SCPEP1: variants seen among roughly 807,000 people sequenced by gnomAD.
SCPEP1 encodes serine carboxypeptidase 1, also known as retinoid-inducible serine carboxypeptidase.
A neutral mutation model predicts 63.8 loss-of-function variants in SCPEP1; 51 were observed. That is an observed-to-expected ratio of 0.80 (90% CI 0.64 to 1.01). SCPEP1 has a LOEUF of 1.01. Ranked by LOEUF, SCPEP1 falls within the 50% of genes least tolerant of loss-of-function variation. The pLI, the probability that SCPEP1 is intolerant of heterozygous loss-of-function variation, is 0.00. For missense variants in SCPEP1, 499 were observed against 554.9 expected (o/e 0.90, Z 1.01); for synonymous variants, 204 against 207.8 (o/e 0.98, Z 0.16).
At chr17:56,987,084 G>A (rs1020208046) in intron 3 of SCPEP1, 4 of 152,310 alleles carry the variant, frequency 2.6e-5, no homozygotes, top group African/African-American at 7.2e-5. Context: ...GTCCGATCTT[G>A]TGACCTTAGG....
intron 12 of SCPEP1, among the ~76,000 whole-genome samples, chr17:57,003,735 G>C (rs1911807842): frequency 6.6e-6 from 1 of 152,220 alleles, no homozygotes; most frequent in Admixed American, 6.5e-5. Context: ...TGAAACGTGA[G>C]TGATGATGTG....
chr17:56,995,738 C>T, intron 8 of SCPEP1, 103 bp downstream of exon 8: 3 of 1,214,240 alleles, frequency 2.5e-6, no homozygotes, highest in Non-Finnish European at 3.4e-6. Flanking sequence ...CTGAGGCTCC[C>T]CACATATCTG....
At chr17:56,991,837 A>G (rs778830793) in intron 6 of SCPEP1, among the ~76,000 whole-genome samples, 9 of 152,340 alleles carry the variant, frequency 5.9e-5, no homozygotes, top group Non-Finnish European at 8.8e-5. Context: ...GCATTGTAGG[A>G]TATTATCAGC....
chr17:56,989,054 G>C (rs1911308763), intron 5 of SCPEP1, among the ~76,000 whole-genome samples: 1 of 152,040 alleles, frequency 6.6e-6, no homozygotes, highest in Non-Finnish European at 1.5e-5. Context: ...GCTGGGCACA[G>C]TGGCTCCTGG....
At chr17:56,994,072 C>T (rs956320107) in intron 6 of SCPEP1, among the ~76,000 whole-genome samples, 4 of 152,156 alleles carry the variant, frequency 2.6e-5, no homozygotes, top group East Asian at 1.9e-4. Context: ...TGTAGTGGCT[C>T]ACATCTGTAA....
chr17:56,978,373 T>A, intron 1 of SCPEP1, 138 bp downstream of exon 1: 7 of 1,037,528 alleles, frequency 6.7e-6, no homozygotes, highest in Non-Finnish European at 8.9e-6. Flanking sequence ...TGCTTTTGAA[T>A]CTCACTCTTT....
intron 5 of SCPEP1, among the ~76,000 whole-genome samples, chr17:56,990,199 G>A (rs926953214): frequency 2.0e-5 from 3 of 152,150 alleles, no homozygotes; most frequent in East Asian, 1.9e-4. Flanking sequence ...ATGCTGTGAC[G>A]GCAAACAAAA....
At chr17:56,992,842 T>C (rs1911440519) in intron 6 of SCPEP1, among the ~76,000 whole-genome samples, 1 of 152,204 alleles carries the variant, frequency 6.6e-6, no homozygotes, top group Non-Finnish European at 1.5e-5. Context: ...CTCTCCAAGA[T>C]CAGTACGTTT....
At chr17:56,996,729 G>A (rs563745444) in intron 8 of SCPEP1, among the ~76,000 whole-genome samples, 3 of 151,330 alleles carry the variant, frequency 2.0e-5, no homozygotes, top group Non-Finnish European at 4.4e-5. Flanking sequence ...ATGTTGACCA[G>A]GCCGGTCTCG....
intron 6 of SCPEP1, among the ~76,000 whole-genome samples, chr17:56,994,702 C>T (rs891812452): frequency 3.9e-5 from 6 of 152,184 alleles, no homozygotes; most frequent in East Asian, 1.9e-4. Flanking sequence ...ATGCTGTCAT[C>T]GGCAATGACT....
At chr17:56,981,290 T>C in intron 2 of SCPEP1, 60 bp downstream of exon 2, 1 of 1,594,050 alleles carries the variant, frequency 6.3e-7, no homozygotes, top group Non-Finnish European at 8.6e-7. Flanking sequence ...TGTGGCTCTT[T>C]GCTTGCTTTT....
intron 6 of SCPEP1, among the ~76,000 whole-genome samples, chr17:56,991,753 C>T (rs1409695747): frequency 6.6e-6 from 1 of 152,242 alleles, no homozygotes; most frequent in African/African-American, 2.4e-5. Context: ...TGGTGGCGTT[C>T]ACTCTAACAC....
At chr17:56,992,970 C>T (rs1911444474) in intron 6 of SCPEP1, among the ~76,000 whole-genome samples, 1 of 152,192 alleles carries the variant, frequency 6.6e-6, no homozygotes, top group Non-Finnish European at 1.5e-5. Context: ...CCTTCCAGAT[C>T]CACTTTAAGT....
In SCPEP1 at chr17:57,006,445, A is replaced by T. The variant is rs187499605; in HGVS notation, c.*210A>T. The T allele has an allele frequency of 5.3e-3, 2,024 of 378,870 alleles. 8 individuals carry two copies. The highest frequency in any genetic ancestry group is 6.8e-3 in the Non-Finnish European group (1,438 of 212,100). 23.5% of individuals were successfully genotyped at this position (378,870 alleles called of 1,614,324 possible). A position where few individuals can be genotyped will look rare whatever the true frequency, so the allele number is the denominator to read the frequency against. On this transcript the variant is annotated 3_prime_UTR_variant, in exon 13 of 13. Coordinates refer to ENST00000262288, the MANE Select transcript of SCPEP1 (RefSeq NM_021626.3). Reference sequence around the variant, plus strand: ...TTCTTAAAAAAACCTAAGATTTTTTAAAAAATTGATTTGTTTTGATCAAAA... The same window carrying T: ...TTCTTAAAAAAACCTAAGATTTTTTTAAAAATTGATTTGTTTTGATCAAAA...
Position 56,978,149 on chromosome 17 carries a change from C to T in SCPEP1, c.-11C>T, listed in dbSNP as rs369816571. The T allele has an allele frequency of 5.4e-6, 7 of 1,289,988 alleles. No homozygotes were observed. The highest frequency in any genetic ancestry group is 2.5e-5 in the East Asian group (1 of 40,266). The allele number at this position is 1,289,988 out of a possible 1,614,324, so 79.9% of individuals were successfully genotyped here. On this transcript the variant is annotated 5_prime_UTR_variant, in exon 1 of 13. Transcript: ENST00000262288. ...CCAGCCTGTTGCTGATGCTGCCGTG[C>T]GGTACTTGTCATGGAGCTGGCACTG...
chr17:56,987,555 C>A, intron 3 of SCPEP1, 140 bp from the exon 4 acceptor site: 16 of 638,296 alleles, frequency 2.5e-5, no homozygotes, highest in Middle Eastern at 5.6e-4. Context: ...TTTTAAAAAT[C>A]TCTTTTAGCA....
chr17:56,997,065 C>T lies in SCPEP1; in HGVS notation c.880+10C>T. On this transcript the variant is annotated intron_variant, in intron 9 of 12. Transcript: ENST00000262288. Reference sequence around the variant, plus strand: ...ACACAGAGCCACCTAGGTGAGTGAACCTTGAAGTTATTAAAGTCCCTGCCT... The same window carrying T: ...ACACAGAGCCACCTAGGTGAGTGAATCTTGAAGTTATTAAAGTCCCTGCCT... The T allele has an allele frequency of 1.3e-6, 2 of 1,518,848 alleles. No homozygotes were observed. The highest frequency in any genetic ancestry group is 1.8e-6 in the Non-Finnish European group (2 of 1,121,486). 94.1% of individuals were successfully genotyped at this position (1,518,848 alleles called of 1,614,324 possible).
intron 5 of SCPEP1, among the ~76,000 whole-genome samples, chr17:56,989,878 C>G (rs994237780): frequency 6.6e-6 from 1 of 151,834 alleles, no homozygotes; most frequent in Non-Finnish European, 1.5e-5. Flanking sequence ...ACCCAGGGAG[C>G]AGAGGTTGCA....
chr17:56,978,865 T>C (rs1354487968), intron 1 of SCPEP1, among the ~76,000 whole-genome samples: 1 of 152,176 alleles, frequency 6.6e-6, no homozygotes, highest in Non-Finnish European at 1.5e-5. Flanking sequence ...TTGTTTTCCT[T>C]TTCTAAAATG....
Sources: gnomAD v4.1 joint callset for allele counts (sites outside exome capture counted in the v4.1 genomes callset) on GRCh38, gnomAD v4.1.1 for gene constraint, MANE v1.5 for transcripts, NCBI Gene and HGNC (gene_info 2026-07-23, HGNC 2026-07-21) for gene names.